The following CNTNAP2 variants were observed in gnomAD, a reference collection of about 807,000 sequenced individuals.
The protein encoded by CNTNAP2 is contactin associated protein 2.
A neutral mutation model predicts 155.2 loss-of-function variants in CNTNAP2; 98 were observed. That is an observed-to-expected ratio of 0.63 (90% CI 0.54 to 0.75). The LOEUF (loss-of-function observed/expected upper bound fraction) is 0.75. Among genes scored for constraint, CNTNAP2 ranks in the 30% least tolerant of loss-of-function variants. The pLI is 0.00. For missense variants in CNTNAP2, 1,727 were observed against 1,688.1 expected (o/e 1.02, Z -0.40); for synonymous variants, 651 against 631.2 (o/e 1.03, Z -0.47).
chr7:146,919,211 A>T (rs1350956545), intron 3 of CNTNAP2, among the ~76,000 whole-genome samples: 9 of 152,104 alleles, frequency 5.9e-5, no homozygotes, highest in African/African-American at 2.2e-4. Flanking sequence ...CTTGGTTTGG[A>T]TTCATTGCTG....
chr7:147,879,062 T>G lies in CNTNAP2; in HGVS notation c.2099-24503T>G, dbSNP rs184098400. ...CTCTCTTTCGGCCTCAGTGATGTAGTAAACGGTAATTTTGCAATCCTTACA... is the reference window on the plus strand; with the variant it reads ...CTCTCTTTCGGCCTCAGTGATGTAGGAAACGGTAATTTTGCAATCCTTACA... On this transcript the variant is annotated intron_variant, in intron 13 of 23. Coordinates refer to ENST00000361727, the MANE Select transcript of CNTNAP2 (RefSeq NM_014141.6). 4.5e-4 allele frequency among the ~76,000 whole-genome samples: 68 copies of G among 152,342 alleles called. 2 individuals carry two copies. In the South Asian group the frequency reaches 0.012, roughly 27 times the overall value.
At chr7:146,933,045 T>C (rs1796814695) in intron 3 of CNTNAP2, among the ~76,000 whole-genome samples, 1 of 152,152 alleles carries the variant, frequency 6.6e-6, no homozygotes, top group African/African-American at 2.4e-5. Flanking sequence ...GCCATCCCCA[T>C]CAAGCTATCA....
intron 8 of CNTNAP2, among the ~76,000 whole-genome samples, chr7:147,213,485 T>C (rs551016966): frequency 2.6e-5 from 4 of 152,244 alleles, no homozygotes; most frequent in South Asian, 4.1e-4. Context: ...GTTAGTATTA[T>C]TGCAAAGATA....
chr7:148,049,875 GA>G (rs1802852896), intron 15 of CNTNAP2, among the ~76,000 whole-genome samples: 1 of 152,076 alleles, frequency 6.6e-6, no homozygotes, highest in South Asian at 2.1e-4. Context: ...AATTTGCTGT[GA>G]AACAGGCAGG....
intron 1 of CNTNAP2, among the ~76,000 whole-genome samples, chr7:146,592,104 C>T (rs779648223): frequency 5.3e-5 from 8 of 152,112 alleles, no homozygotes; most frequent in African/African-American, 7.2e-5. Context: ...AATCCAAATC[C>T]GGCTGTCATG....
At chr7:147,345,096 A>C (rs1175462771) in intron 9 of CNTNAP2, among the ~76,000 whole-genome samples, 2 of 152,142 alleles carry the variant, frequency 1.3e-5, no homozygotes, top group Non-Finnish European at 1.5e-5. Context: ...TGGGTTTATG[A>C]GCCAGTACTC....
intron 3 of CNTNAP2, among the ~76,000 whole-genome samples, chr7:146,933,792 A>C (rs570157363): frequency 0.016 from 2,441 of 152,264 alleles, 67 homozygotes; most frequent in African/African-American, 0.056. Context: ...ACATGAACAG[A>C]CACTTCTCAA....
At chr7:148,213,994 A>G (rs936395369) in intron 18 of CNTNAP2, among the ~76,000 whole-genome samples, 3 of 152,196 alleles carry the variant, frequency 2.0e-5, no homozygotes, top group African/African-American at 7.2e-5. Flanking sequence ...TCTCACTGCC[A>G]ATACACTGTG....
At chr7:147,820,682 TTG>T (rs1326671207) in intron 13 of CNTNAP2, among the ~76,000 whole-genome samples, 1 of 152,134 alleles carries the variant, frequency 6.6e-6, no homozygotes, top group East Asian at 1.9e-4. Context: ...TCAAATTAAT[TTG>T]TGTATCTGGT....
At chr7:147,874,283 C>G (rs930923480) in intron 13 of CNTNAP2, among the ~76,000 whole-genome samples, 17 of 152,250 alleles carry the variant, frequency 1.1e-4, no homozygotes, top group Non-Finnish European at 2.2e-4. Context: ...GAGAGGTTCT[C>G]CATGAGGGGC....
chr7:147,173,846 C>G (rs1263567422), intron 8 of CNTNAP2, among the ~76,000 whole-genome samples: 1 of 152,136 alleles, frequency 6.6e-6, no homozygotes, highest in African/African-American at 2.4e-5. Context: ...GCAGCGGCAC[C>G]TGAGGTGGTT....
intron 21 of CNTNAP2, among the ~76,000 whole-genome samples, chr7:148,374,027 G>A (rs1056113042): frequency 5.9e-5 from 9 of 152,170 alleles, no homozygotes. Flanking sequence ...ATGTGACATG[G>A]AGCGTCAGTT....
intron 13 of CNTNAP2, among the ~76,000 whole-genome samples, chr7:147,751,831 A>G (rs1283170951): frequency 6.6e-6 from 1 of 152,218 alleles, no homozygotes; most frequent in East Asian, 1.9e-4. Context: ...ACTAGTTACT[A>G]TGCTTAGGGG....
chr7:146,623,854 C>T (rs183910640), intron 1 of CNTNAP2, among the ~76,000 whole-genome samples: 19 of 152,164 alleles, frequency 1.2e-4, no homozygotes, highest in Non-Finnish European at 2.4e-4. Flanking sequence ...GAATGCAAAA[C>T]GGCACAGCTA....
At chr7:147,537,006 T>C (rs1427830397) in intron 11 of CNTNAP2, among the ~76,000 whole-genome samples, 1 of 152,192 alleles carries the variant, frequency 6.6e-6, no homozygotes, top group Non-Finnish European at 1.5e-5. Flanking sequence ...CTGACCCTTT[T>C]ATTAAGATTC....
Position 146,750,325 on chromosome 7 carries a change from G to C in CNTNAP2, c.98-23946G>C, listed in dbSNP as rs374412949. 8.0e-4 allele frequency among the ~76,000 whole-genome samples: 121 copies of C among 152,066 alleles called. 1 individual carries two copies. Among genetic ancestry groups the C allele is most frequent in the African/African-American group, 2.6e-3 (107 of 41,480 alleles). On this transcript the variant is annotated intron_variant, in intron 1 of 23. Transcript: ENST00000361727. ...TTGGAATTAGAGATTGAATGATCTC[G>C]GACATCTTGATAATCTCTCCTCTCT...
chr7:148,323,875 A>G (rs950282602), intron 21 of CNTNAP2, among the ~76,000 whole-genome samples: 26 of 140,488 alleles, frequency 1.9e-4, no homozygotes, highest in Admixed American at 8.4e-4. Context: ...TTGTCTCTGA[A>G]GCCCCATTTT....
chr7:147,530,958 A>G (rs996581309), intron 11 of CNTNAP2, among the ~76,000 whole-genome samples: 1 of 152,158 alleles, frequency 6.6e-6, no homozygotes, highest in African/African-American at 2.4e-5. Context: ...AAGGGGAGAA[A>G]TTGGCCGAAA....
At chr7:147,394,858 T>A (rs1016960553) in intron 9 of CNTNAP2, among the ~76,000 whole-genome samples, 3 of 149,374 alleles carry the variant, frequency 2.0e-5, no homozygotes, top group Non-Finnish European at 4.5e-5. Context: ...TTTACTCTTG[T>A]TATTTACTCT....
Sources: gnomAD v4.1 joint callset for allele counts (sites outside exome capture counted in the v4.1 genomes callset) on GRCh38, gnomAD v4.1.1 for gene constraint, MANE v1.5 for transcripts, NCBI Gene and HGNC (gene_info 2026-07-23, HGNC 2026-07-21) for gene names.